Variants in RUNDC3A observed in about 807,000 individuals in gnomAD.
The protein encoded by RUNDC3A is RUN domain containing 3A.
RUNDC3A carries 28 observed loss-of-function variants against 53.9 expected under a neutral mutation model. The observed-to-expected ratio is 0.52, with a 90% CI of 0.38 to 0.71. The LOEUF is 0.71. Among genes scored for constraint, RUNDC3A ranks in the 30% least tolerant of loss-of-function variants. The pLI is 0.00. For missense variants in RUNDC3A, 491 were observed against 597.3 expected (o/e 0.82, Z 1.85); for synonymous variants, 232 against 249.4 (o/e 0.93, Z 0.66).
intron 2 of RUNDC3A, 94 bp downstream of exon 2, chr17:44,312,789 C>T: frequency 3.2e-6 from 2 of 622,590 alleles, no homozygotes; most frequent in African/African-American, 1.9e-5. Flanking sequence ...GGTCCCTCCC[C>T]AACTCCCAAC....
rs575411474 is a variant in RUNDC3A at position 44,313,456 on chromosome 17, C to A, written c.411C>A (p.Arg137=). The change falls in exon 4 of 11, where the codon CGC becomes CGA. Residue 137 remains arginine, a synonymous_variant. Coordinates refer to ENST00000426726, the MANE Select transcript of RUNDC3A (RefSeq NM_001144825.2). Reference sequence around the variant, plus strand: ...TCCGGGTGGCACTGATGGAGAAGCGCATGTCAGAATACATCACCACGGCTC... The same window carrying A: ...TCCGGGTGGCACTGATGGAGAAGCGAATGTCAGAATACATCACCACGGCTC... ...AWIRVALMEK[R]MSEYITTALR... is the part of the protein sequence containing the mutation. 4.6e-5 allele frequency: 74 copies of A among 1,613,942 alleles called. No individual in the cohort carries two copies. The South Asian group carries it at 7.4e-4, about 16-fold the overall frequency.
chr17:44,315,332 C>T lies in RUNDC3A; in HGVS notation c.795+12C>T, dbSNP rs1446828570. The T allele has an allele frequency of 1.1e-5, 13 of 1,187,224 alleles. No homozygotes were observed. Among genetic ancestry groups the T allele is most frequent in the Middle Eastern group, 6.0e-4 (2 of 3,306 alleles). The allele number at this position is 1,187,224 out of a possible 1,614,324, so 73.5% of individuals were successfully genotyped here. ...TCTACGCGCAGAAGGTGCGCGACGC[C>T]GGCGGGCCCGGGGGGCGGGCGGGCC... On this transcript the variant is annotated intron_variant, in intron 7 of 10. Transcript: ENST00000426726. This position sits in a 1 kb window ranked among gnomAD's most constrained non-coding sequence, Gnocchi z 6.1.
Position 44,318,330 on chromosome 17 carries a change from T to C in RUNDC3A, c.*92T>C. On this transcript the variant is annotated 3_prime_UTR_variant, in exon 11 of 11. Transcript: ENST00000426726. ...AAGAGTCCCCCAATCCAGGCTACCCTTCCAGAGAACGCTACCCACCCAGCC... is the reference window on the plus strand; with the variant it reads ...AAGAGTCCCCCAATCCAGGCTACCCCTCCAGAGAACGCTACCCACCCAGCC... 1 of 1,374,932 alleles carries C rather than the reference T, an allele frequency of 7.3e-7. No homozygotes were observed. Among genetic ancestry groups the C allele is most frequent in the Non-Finnish European group, 1.0e-6 (1 of 1,004,130 alleles). 85.2% of individuals were successfully genotyped at this position (1,374,932 alleles called of 1,614,324 possible). A position where few individuals can be genotyped will look rare whatever the true frequency, so the allele number is the denominator to read the frequency against.
At position 44,315,640 on chromosome 17, in the gene RUNDC3A, C is replaced by G. The variant is rs1031720032; in HGVS notation, c.953+31C>G. ...CGCACGGCCTGCCCTAACCCCTGAC[C>G]CCCGCCGCCCCGACCACATCACCGG... On this transcript the variant is annotated intron_variant, in intron 8 of 10. Transcript: ENST00000426726. The surrounding 1 kb of genome is among the most constrained non-coding windows in gnomAD (Gnocchi z 6.1). 1.4e-6 allele frequency: 2 copies of G among 1,381,194 alleles called. No homozygotes were observed. The highest frequency in any genetic ancestry group is 3.0e-5 in the African/African-American group (2 of 66,054). 85.6% of individuals were successfully genotyped at this position (1,381,194 alleles called of 1,614,324 possible). A position where few individuals can be genotyped will look rare whatever the true frequency, so the allele number is the denominator to read the frequency against.
chr17:44,315,615 C>G lies in RUNDC3A; in HGVS notation c.953+6C>G. 6.8e-7 allele frequency: 1 copy of G among 1,469,102 alleles called. No homozygotes were observed. Among genetic ancestry groups the G allele is most frequent in the South Asian group, 1.3e-5 (1 of 75,626 alleles). The allele number at this position is 1,469,102 out of a possible 1,614,324, so 91.0% of individuals were successfully genotyped here. ...CTGGAGCTGCAGGAGCAGCTGTGAG[C>G]GCACGGCCTGCCCTAACCCCTGACC... On this transcript the variant is annotated splice_donor_region_variant and intron_variant, in intron 8 of 10. Coordinates refer to ENST00000426726, the MANE Select transcript of RUNDC3A (RefSeq NM_001144825.2). This position sits in a 1 kb window ranked among gnomAD's most constrained non-coding sequence, Gnocchi z 6.1.
Position 44,318,409 on chromosome 17 carries a change from G to C in RUNDC3A, c.*171G>C, listed in dbSNP as rs2047918723. 2.5e-6 allele frequency: 2 copies of C among 807,526 alleles called. No individual in the cohort carries two copies. The highest frequency in any genetic ancestry group is 5.5e-5 in the East Asian group (2 of 36,582). The allele number at this position is 807,526 out of a possible 1,614,324, so 50.0% of individuals were successfully genotyped here. ...CTCACCTTAGCTTTCTGCCTTGGCAGCACGGGCTGCGGAAGAAAGCACGCT... is the reference window on the plus strand; with the variant it reads ...CTCACCTTAGCTTTCTGCCTTGGCACCACGGGCTGCGGAAGAAAGCACGCT... On this transcript the variant is annotated 3_prime_UTR_variant, in exon 11 of 11. Coordinates refer to ENST00000426726, the MANE Select transcript of RUNDC3A (RefSeq NM_001144825.2).
chr17:44,316,443 A>G lies in RUNDC3A; in HGVS notation c.1012A>G (p.Thr338Ala). 1 of 1,613,696 alleles carries G rather than the reference A, an allele frequency of 6.2e-7. No individual in the cohort carries two copies. Among genetic ancestry groups the G allele is most frequent in the Non-Finnish European group, 8.5e-7 (1 of 1,179,828 alleles). Residue 338 changes from threonine (T) to alanine (A), a missense_variant, in exon 9 of 11, where the codon ACA becomes GCA. Coordinates refer to ENST00000426726, the MANE Select transcript of RUNDC3A (RefSeq NM_001144825.2). ...PLAQGSKELT[T>A]PLVNQWPSLG... ...GGCCCAGGGTTCCAAGGAGCTCACT[A>G]CACCCCTGGTCAATCAATGGCCCTC...
chr17:44,316,803 T>A, intron 10 of RUNDC3A, 78 bp downstream of exon 10: 36 of 627,714 alleles, frequency 5.7e-5, no homozygotes, highest in Non-Finnish European at 8.8e-5. Flanking sequence ...AGGCATGTCC[T>A]CATTCATTCT....
intron 4 of RUNDC3A, 45 bp from the exon 5 acceptor site, chr17:44,314,689 CG>C: frequency 1.1e-6 from 1 of 948,762 alleles, no homozygotes; most frequent in Non-Finnish European, 1.4e-6. Flanking sequence ...GGGGGGGGGG[CG>C]CTCCAGGGGC....
chr17:44,313,737 G>A (rs1374461837), intron 4 of RUNDC3A: 43 of 1,249,608 alleles, frequency 3.4e-5, no homozygotes, highest in Middle Eastern at 3.0e-4. Flanking sequence ...GCTGGAGTGC[G>A]ATGGCGCGAT....
At chr17:44,316,271 C>A in intron 8 of RUNDC3A, 114 bp from the exon 9 acceptor site, 2 of 1,001,450 alleles carry the variant, frequency 2.0e-6, no homozygotes, top group Non-Finnish European at 1.5e-6. Flanking sequence ...AACACCGTAT[C>A]CCCATTTTTG....
At position 44,314,983 on chromosome 17, in the gene RUNDC3A, C is replaced by T. The variant is rs1467028686; in HGVS notation, c.603C>T (p.Tyr201=). Residue 201 remains tyrosine (Y), a synonymous_variant, in exon 6 of 11, where the codon TAC becomes TAT. Transcript: ENST00000426726. ...LDGKTPVVID[Y]TPYLKFTQSY... is the part of the protein sequence containing the mutation. ...GGAAGACCCCCGTGGTCATCGATTA[C>T]ACGCCCTACCTAAAGTTCACGCAGA... The T allele has an allele frequency of 6.2e-6, 10 of 1,613,894 alleles. No individual in the cohort carries two copies. The highest frequency in any genetic ancestry group is 1.3e-5 in the African/African-American group (1 of 74,954).
chr17:44,317,555 G>C, intron 10 of RUNDC3A: 1 of 780,742 alleles, frequency 1.3e-6, no homozygotes, highest in Non-Finnish European at 2.4e-6. Context: ...ACTTTGTGTT[G>C]ACCTCATCCC....
intron 1 of RUNDC3A, chr17:44,311,435 T>G: frequency 7.9e-6 from 6 of 762,786 alleles, no homozygotes; most frequent in Non-Finnish European, 9.6e-6. Flanking sequence ...AGTCAACCTC[T>G]TGGACCATCA....
chr17:44,308,734 C>CCGT lies in RUNDC3A; in HGVS notation c.-96_-94dup. On this transcript the variant is annotated 5_prime_UTR_variant, in exon 1 of 11. Transcript: ENST00000426726. ...ATGGCCATGGAAGGGTTGAGGGGCCCCGTCGGACAGAGGGCCCAGCCGTGA... is the reference window on the plus strand; with the variant it reads ...ATGGCCATGGAAGGGTTGAGGGGCCCCGTCGTCGGACAGAGGGCCCAGCCGTGA... The CCGT allele has an allele frequency of 5.4e-6, 4 of 745,996 alleles. No homozygotes were observed. Among genetic ancestry groups the CCGT allele is most frequent in the Non-Finnish European group, 8.4e-6 (4 of 478,676 alleles). The allele number at this position is 745,996 out of a possible 1,614,324, so 46.2% of individuals were successfully genotyped here. A position where few individuals can be genotyped will look rare whatever the true frequency, so the allele number is the denominator to read the frequency against.
At position 44,315,971 on chromosome 17, in the gene RUNDC3A, G is replaced by A. The variant is rs572070124; in HGVS notation, c.953+362G>A. 6.6e-6 allele frequency among the ~76,000 whole-genome samples: 1 copy of A among 151,992 alleles called. No individual in the cohort carries two copies. The highest frequency in any genetic ancestry group is 1.5e-5 in the Non-Finnish European group (1 of 68,004). On this transcript the variant is annotated intron_variant, in intron 8 of 10. Coordinates refer to ENST00000426726, the MANE Select transcript of RUNDC3A (RefSeq NM_001144825.2). This position sits in a 1 kb window ranked among gnomAD's most constrained non-coding sequence, Gnocchi z 6.1. Reference sequence around the variant, plus strand: ...CATCGCCTCACTCACCTGCACCACAGGCTCACTGACCGTCATCATCCGCCG... The same window carrying A: ...CATCGCCTCACTCACCTGCACCACAAGCTCACTGACCGTCATCATCCGCCG...
chr17:44,314,359 T>C, intron 4 of RUNDC3A: 1 of 1,048,384 alleles, frequency 9.5e-7, no homozygotes, highest in Non-Finnish European at 1.2e-6. Flanking sequence ...ATACCCAGCC[T>C]GATGTTTTTA....
At position 44,315,540 on chromosome 17, in the gene RUNDC3A, A is replaced by C; in HGVS notation, c.884A>C (p.Glu295Ala). Residue 295 changes from glutamate to alanine, a missense_variant, in exon 8 of 11, where the codon GAG becomes GCG. Coordinates refer to ENST00000426726, the MANE Select transcript of RUNDC3A (RefSeq NM_001144825.2). The surrounding 1 kb of genome is among the most constrained non-coding windows in gnomAD (Gnocchi z 6.1). ...CGGCGGCTTCAGCTGCAGCTGGAGG[A>C]GGCGGCGGCGCAGAACCAGCGCGAG... ...ENRRLQLQLE[E>A]AAAQNQREKR... The C allele has an allele frequency of 1.3e-6, 2 of 1,516,060 alleles. No homozygotes were observed. The highest frequency in any genetic ancestry group is 1.8e-6 in the Non-Finnish European group (2 of 1,132,392). 93.9% of individuals were successfully genotyped at this position (1,516,060 alleles called of 1,614,324 possible). A position where few individuals can be genotyped will look rare whatever the true frequency, so the allele number is the denominator to read the frequency against.
chr17:44,318,147 T>C lies in RUNDC3A; in HGVS notation c.1250T>C (p.Ile417Thr), dbSNP rs892294811. The C allele has an allele frequency of 1.3e-6, 2 of 1,551,392 alleles. No individual in the cohort carries two copies. Among genetic ancestry groups the C allele is most frequent in the Non-Finnish European group, 1.7e-6 (2 of 1,146,914 alleles). Residue 417 changes from isoleucine (I) to threonine (T), a missense_variant, in exon 11 of 11, where the codon ATT becomes ACT. Transcript: ENST00000426726. ...GGCCTCTGCGGCTCCCTGGCCTCCATTCCCAGCTGCAAGTCCCTGGCGAGC... is the reference window on the plus strand; with the variant it reads ...GGCCTCTGCGGCTCCCTGGCCTCCACTCCCAGCTGCAAGTCCCTGGCGAGC... ...MLGLCGSLAS[I>T]PSCKSLASFK...
Sources: gnomAD v4.1 joint callset for allele counts (sites outside exome capture counted in the v4.1 genomes callset) on GRCh38, gnomAD v4.1.1 for gene constraint, Gnocchi (gnomAD v3.1) non-coding constraint, MANE v1.5 for transcripts, NCBI Gene and HGNC (gene_info 2026-07-23, HGNC 2026-07-21) for gene names.